SHROOM3: variants seen among roughly 807,000 people sequenced by gnomAD.
The protein encoded by SHROOM3 is shroom family member 3.
In SHROOM3, 47 loss-of-function variants were observed where a neutral mutation model predicts 138.6. The observed-to-expected ratio is 0.34, with a 90% confidence interval of 0.27 to 0.43. The LOEUF (loss-of-function observed/expected upper bound fraction) is 0.43, where lower values mean the gene tolerates loss of function less well. Ranked by LOEUF, SHROOM3 falls within the 20% of genes least tolerant of loss-of-function variation. SHROOM3 has a pLI of 1.00. For synonymous variants in SHROOM3, 1,062 were observed against 1,063.3 expected (o/e 1.00, Z 0.02); for missense variants, 2,491 against 2,596.5 (o/e 0.96, Z 0.88).
At chr4:76,758,962 A>C (rs546213260) in intron 8 of SHROOM3, among the ~76,000 whole-genome samples, 80 of 152,294 alleles carry the variant, frequency 5.3e-4, no homozygotes, top group Middle Eastern at 3.4e-3. Flanking sequence ...TTATATTATC[A>C]ATGAGTAGAT....
At chr4:76,658,948 T>A (rs1736125027) in intron 2 of SHROOM3, among the ~76,000 whole-genome samples, 1 of 151,750 alleles carries the variant, frequency 6.6e-6, no homozygotes, top group Non-Finnish European at 1.5e-5. Flanking sequence ...AGGGAATGTG[T>A]AACTAATTTG....
At chr4:76,598,698 G>A (rs961073015) in intron 2 of SHROOM3, among the ~76,000 whole-genome samples, 6 of 152,172 alleles carry the variant, frequency 3.9e-5, no homozygotes, top group African/African-American at 1.4e-4. Context: ...GTTTGACAAG[G>A]GGCCACGTGG....
At chr4:76,692,751 T>C (rs533901818) in intron 2 of SHROOM3, among the ~76,000 whole-genome samples, 9 of 152,300 alleles carry the variant, frequency 5.9e-5, no homozygotes, top group African/African-American at 2.2e-4. Flanking sequence ...AGCAGCCAGA[T>C]ACAAAATAAT....
intron 4 of SHROOM3, among the ~76,000 whole-genome samples, chr4:76,734,453 C>G (rs915251720): frequency 6.6e-6 from 1 of 151,508 alleles, no homozygotes; most frequent in Non-Finnish European, 1.5e-5. Context: ...TGTGAGCACA[C>G]TTTAGGAAAT....
At chr4:76,534,270 T>C (rs914944348) in intron 1 of SHROOM3, among the ~76,000 whole-genome samples, 2 of 152,118 alleles carry the variant, frequency 1.3e-5, no homozygotes, top group African/African-American at 4.8e-5. Context: ...AAGATTAAAC[T>C]CTCATAAAAC....
intron 1 of SHROOM3, among the ~76,000 whole-genome samples, chr4:76,512,301 T>G (rs1235884197): frequency 6.6e-6 from 1 of 152,150 alleles, no homozygotes; most frequent in East Asian, 1.9e-4. Context: ...GCTCATACCC[T>G]GAGATTCCAA....
At chr4:76,570,976 T>G (rs1417673559) in intron 2 of SHROOM3, among the ~76,000 whole-genome samples, 1 of 152,228 alleles carries the variant, frequency 6.6e-6, no homozygotes, top group Non-Finnish European at 1.5e-5. Flanking sequence ...GGATTCCTAG[T>G]AAGTTCTGAA....
At chr4:76,446,261 C>T (rs537611178) in intron 1 of SHROOM3, among the ~76,000 whole-genome samples, 5 of 151,590 alleles carry the variant, frequency 3.3e-5, no homozygotes, top group African/African-American at 1.2e-4. Context: ...GTAAAAACTG[C>T]GTTGTCACTT....
chr4:76,500,676 G>A (rs935756765), intron 1 of SHROOM3, among the ~76,000 whole-genome samples: 4 of 152,028 alleles, frequency 2.6e-5, no homozygotes, highest in Admixed American at 2.6e-4. Flanking sequence ...TATCTCATTT[G>A]TGATTTCAGT....
chr4:76,517,621 G>GTATATATATA (rs60652477), intron 1 of SHROOM3, among the ~76,000 whole-genome samples: 3 of 146,934 alleles, frequency 2.0e-5, no homozygotes, highest in East Asian at 4.0e-4. Context: ...TGTTTGTTTG[G>GTATATATATA]TATATATATA....
intron 1 of SHROOM3, among the ~76,000 whole-genome samples, chr4:76,542,935 A>G (rs535443178): frequency 2.0e-4 from 30 of 152,272 alleles, no homozygotes; most frequent in African/African-American, 7.0e-4. Flanking sequence ...GAACAGCTCC[A>G]CCAGACAGGC....
intron 1 of SHROOM3, among the ~76,000 whole-genome samples, chr4:76,541,646 C>T (rs180878079): frequency 6.6e-6 from 1 of 152,084 alleles, no homozygotes; most frequent in East Asian, 1.9e-4. Context: ...CACACACACA[C>T]ACACCAGGAA....
chr4:76,755,066 C>A lies in SHROOM3; in HGVS notation c.4583C>A (p.Pro1528Gln), dbSNP rs1721760426. The A allele has an allele frequency of 6.3e-7, 1 of 1,598,564 alleles. No homozygotes were observed. Among genetic ancestry groups the A allele is most frequent in the Non-Finnish European group, 8.5e-7 (1 of 1,170,188 alleles). ...AGCCCCACATTTGAACCTCTTCCCC[C>A]ACCCCCACCTCCTCCACCGAGTCAG... is the stretch of plus-strand genomic sequence containing the variant. ...TSSPTFEPLPPPPPPPPSQET... is the reference protein window; with the variant it reads ...TSSPTFEPLPQPPPPPPSQET... Residue 1528 changes from proline (P) to glutamine (Q), a missense_variant, in exon 7 of 11, where the codon CCA (proline) becomes CAA (glutamine). By Grantham distance (76) the Pro-to-Gln change is moderately conservative. Coordinates refer to ENST00000296043, the MANE Select transcript of SHROOM3 (RefSeq NM_020859.4).
intron 1 of SHROOM3, among the ~76,000 whole-genome samples, chr4:76,547,502 T>C (rs937722003): frequency 3.3e-5 from 5 of 152,202 alleles, no homozygotes; most frequent in East Asian, 1.9e-4. Flanking sequence ...CAATAAATAG[T>C]GGGCACTGCT....
At chr4:76,524,964 A>G (rs73826221) in intron 1 of SHROOM3, among the ~76,000 whole-genome samples, 6,340 of 152,268 alleles carry the variant, frequency 0.042, 463 homozygotes, top group African/African-American at 0.14. Flanking sequence ...AAATGCCCAG[A>G]AGAGTGCAAT....
chr4:76,466,656 T>A (rs1291621780), intron 1 of SHROOM3, among the ~76,000 whole-genome samples: 1 of 152,188 alleles, frequency 6.6e-6, no homozygotes, highest in Admixed American at 6.5e-5. Flanking sequence ...TGGGAGAATT[T>A]AAAACATTTA....
chr4:76,609,880 A>G (rs1734725863), intron 2 of SHROOM3, among the ~76,000 whole-genome samples: 1 of 152,234 alleles, frequency 6.6e-6, no homozygotes, highest in African/African-American at 2.4e-5. Flanking sequence ...CTGAACTGTG[A>G]ACATCTTATT....
chr4:76,607,903 A>C (rs1458089870), intron 2 of SHROOM3, among the ~76,000 whole-genome samples: 1 of 152,164 alleles, frequency 6.6e-6, no homozygotes, highest in Non-Finnish European at 1.5e-5. Flanking sequence ...AACCTTTATG[A>C]AGGTTGTTAA....
chr4:76,466,961 T>C (rs570168325), intron 1 of SHROOM3, among the ~76,000 whole-genome samples: 2 of 152,248 alleles, frequency 1.3e-5, no homozygotes, highest in East Asian at 3.9e-4. Context: ...GAAACTAATA[T>C]TTCTTGCATT....
Sources: gnomAD v4.1 joint callset for allele counts (sites outside exome capture counted in the v4.1 genomes callset) on GRCh38, gnomAD v4.1.1 for gene constraint, MANE v1.5 for transcripts, NCBI Gene and HGNC (gene_info 2026-07-23, HGNC 2026-07-21) for gene names.